The following TNFRSF1B variants were observed in gnomAD, a reference collection of about 807,000 sequenced individuals.
The protein encoded by TNFRSF1B is tumor necrosis factor receptor superfamily member 1B.
TNFRSF1B carries 19 observed loss-of-function variants against 44.6 expected under a neutral mutation model. The observed-to-expected ratio is 0.43, with a 90% CI of 0.30 to 0.62. The LOEUF (loss-of-function observed/expected upper bound fraction) is 0.62, where lower values mean the gene tolerates loss of function less well. Among genes scored for constraint, TNFRSF1B ranks in the 20% least tolerant of loss-of-function variants. The probability of loss-of-function intolerance (pLI) is 0.16; values close to 1 mark genes in which losing one functional copy is unlikely to be tolerated. For missense variants in TNFRSF1B, 541 were observed against 619.9 expected, an observed-to-expected ratio of 0.87 and a Z score of 1.35; for synonymous variants, 252 against 261.1, an observed-to-expected ratio of 0.97 and a Z score of 0.34.
At chr1:12,175,023 T>C (rs953173789) in intron 1 of TNFRSF1B, among the ~76,000 whole-genome samples, 1 of 152,182 alleles carries the variant, frequency 6.6e-6, no homozygotes, top group Non-Finnish European at 1.5e-5. Flanking sequence ...CTAGTGAGAC[T>C]GATGTGGCCA....
At chr1:12,194,090 C>A (rs1570162337) in intron 7 of TNFRSF1B, 58 bp downstream of exon 7, 1 of 1,420,466 alleles carries the variant, frequency 7.0e-7, no homozygotes, top group Non-Finnish European at 1.0e-6. Context: ...TGTGGGGTGC[C>A]TCCTGTGAGT....
Position 12,167,039 on chromosome 1 carries a change from T to A in TNFRSF1B, c.-53T>A. 7 of 1,208,872 alleles carry A rather than the reference T, an allele frequency of 5.8e-6. No homozygotes were observed. The highest frequency in any genetic ancestry group is 7.3e-6 in the Non-Finnish European group (7 of 954,536). 74.9% of individuals were successfully genotyped at this position (1,208,872 alleles called of 1,614,324 possible). A position where few individuals can be genotyped will look rare whatever the true frequency, so the allele number is the denominator to read the frequency against. On this transcript the variant is annotated 5_prime_UTR_variant, in exon 1 of 10. Transcript: ENST00000376259. ...GGAGCCTGGAGAGAAGGCGCTGGGCTGCGAGGGCGCGAGGGCGCGAGGGCA... is the reference window on the plus strand; with the variant it reads ...GGAGCCTGGAGAGAAGGCGCTGGGCAGCGAGGGCGCGAGGGCGCGAGGGCA...
In TNFRSF1B at chr1:12,183,716, T is replaced by C. The variant is rs866876852; in HGVS notation, c.79-5080T>C. Among the ~76,000 whole-genome samples the C allele has an allele frequency of 4.0e-3, 427 of 106,224 alleles. 7 individuals are homozygous for C. Among genetic ancestry groups the C allele is most frequent in the African/African-American group, 8.5e-3 (252 of 29,654 alleles). 69.7% of individuals were successfully genotyped at this position (106,224 alleles called of 152,430 possible). A position where few individuals can be genotyped will look rare whatever the true frequency, so the allele number is the denominator to read the frequency against. On this transcript the variant is annotated intron_variant, in intron 1 of 9. Coordinates refer to ENST00000376259, the MANE Select transcript of TNFRSF1B (RefSeq NM_001066.3). ...TCTATCTATCTATCTATCTATTCTA[T>C]CTACCTATCTATCTATCTATCTATC...
Position 12,199,998 on chromosome 1 carries a change from C to T in TNFRSF1B, c.901-1969C>T, listed in dbSNP as rs1017026769. On this transcript the variant is annotated intron_variant, in intron 8 of 9. Transcript: ENST00000376259. This position sits in a 1 kb window ranked among gnomAD's most constrained non-coding sequence, Gnocchi z 4.0. ...AGCCTGGGAGAGGAATTTCCAGCCT[C>T]TCTTCAGTGTGCGTGTCTGGAAATG... is the stretch of plus-strand genomic sequence containing the variant. 2.0e-5 allele frequency among the ~76,000 whole-genome samples: 3 copies of T among 152,134 alleles called. No homozygotes were observed. The highest frequency in any genetic ancestry group is 2.0e-4 in the Admixed American group (3 of 15,256).
At position 12,194,043 on chromosome 1, in the gene TNFRSF1B, ATCCT is replaced by A. The variant is rs763557181; in HGVS notation, c.865+22_865+25del. 3.0e-5 allele frequency: 49 copies of A among 1,612,068 alleles called. 2 individuals carry two copies. The highest frequency in any genetic ancestry group is 2.5e-4 in the South Asian group (23 of 91,032). On this transcript the variant is annotated intron_variant, in intron 7 of 9. Coordinates refer to ENST00000376259, the MANE Select transcript of TNFRSF1B (RefSeq NM_001066.3). ...TGACCCAGGTGAAAAGTAAGAGTCC[ATCCT>A]TCCTTCCTTCATCCACTTGTTCAGG...
At chr1:12,167,307 C>G (rs1570114626) in intron 1 of TNFRSF1B, 138 bp downstream of exon 1, 1 of 609,588 alleles carries the variant, frequency 1.6e-6, no homozygotes, top group East Asian at 3.7e-5. Context: ...GTCGCCGCCC[C>G]CCATCCGCAT....
In TNFRSF1B at chr1:12,191,846, C is replaced by T. The variant is rs375442414; in HGVS notation, c.380C>T (p.Ala127Val). 5 of 1,612,730 alleles carry T rather than the reference C, an allele frequency of 3.1e-6. No individual in the cohort carries two copies. The African/African-American group carries it at 4.0e-5, about 13-fold the overall frequency. Residue 127 changes from alanine (A) to valine (V), a missense_variant, in exon 4 of 10, where the codon GCG becomes GTG. Coordinates refer to ENST00000376259, the MANE Select transcript of TNFRSF1B (RefSeq NM_001066.3). Reference protein sequence around the residue: ...ICTCRPGWYCALSKQEGCRLC... With the variant: ...ICTCRPGWYCVLSKQEGCRLC... ...ACCTGCAGGCCCGGCTGGTACTGCG[C>T]GCTGAGCAAGCAGGAGGGGTGCCGG...
intron 8 of TNFRSF1B, 82 bp downstream of exon 8, chr1:12,194,700 T>C: frequency 6.5e-7 from 1 of 1,537,280 alleles, no homozygotes. Flanking sequence ...AAGCAGTGAA[T>C]TCTGTCATTG....
intron 1 of TNFRSF1B, among the ~76,000 whole-genome samples, chr1:12,183,781 TCTAC>T (rs1388086505): frequency 2.9e-4 from 38 of 129,896 alleles, no homozygotes; most frequent in African/African-American, 9.0e-4. Context: ...ATCTATTCTA[TCTAC>T]CTACCTATCT....
At chr1:12,204,814 C>CCAA (rs1460805196) in intron 9 of TNFRSF1B, among the ~76,000 whole-genome samples, 37 of 150,128 alleles carry the variant, frequency 2.5e-4, no homozygotes, top group African/African-American at 8.3e-4. Context: ...ACCACCACCA[C>CCAA]CAACAAAAAA....
intron 1 of TNFRSF1B, among the ~76,000 whole-genome samples, chr1:12,181,680 A>G (rs1179731802): frequency 1.3e-5 from 2 of 152,142 alleles, no homozygotes; most frequent in Non-Finnish European, 2.9e-5. Flanking sequence ...CTTTCCTCTC[A>G]GAAGTCGCCT....
intron 4 of TNFRSF1B, 153 bp from the exon 5 acceptor site, chr1:12,192,276 CTG>C (rs4044500): frequency 0.13 from 81,790 of 645,128 alleles, 76 homozygotes; most frequent in Middle Eastern, 0.14. Context: ...GTACAGGCAT[CTG>C]TGTGTGTGTG....
At position 12,206,963 on chromosome 1, in the gene TNFRSF1B, C is replaced by T; in HGVS notation, c.1329C>T (p.Ser443=). Residue 443 remains serine (S), a synonymous_variant, in exon 10 of 10, where the codon AGC becomes AGT. Coordinates refer to ENST00000376259, the MANE Select transcript of TNFRSF1B (RefSeq NM_001066.3). ...QLETPETLLG[S]TEEKPLPLGV... is the part of the protein sequence containing the mutation. Reference sequence around the variant, plus strand: ...AGACGCCAGAGACCCTGCTGGGGAGCACCGAAGAGAAGCCCCTGCCCCTTG... The same window carrying T: ...AGACGCCAGAGACCCTGCTGGGGAGTACCGAAGAGAAGCCCCTGCCCCTTG... 2 of 1,611,472 alleles carry T rather than the reference C, an allele frequency of 1.2e-6. No homozygotes were observed. The highest frequency in any genetic ancestry group is 1.7e-6 in the Non-Finnish European group (2 of 1,177,920).
intron 1 of TNFRSF1B, among the ~76,000 whole-genome samples, chr1:12,176,225 G>GCAAAA (rs1403150248): frequency 6.6e-6 from 1 of 151,848 alleles, no homozygotes. Context: ...TCTCAAAAAA[G>GCAAAA]CAAAACAAAA....
rs778723682 is a variant in TNFRSF1B at position 12,206,839 on chromosome 1, G to A, written c.1205G>A (p.Ser402Asn). Reference protein sequence around the residue: ...DHSSQCSSQASSTMGDTDSSP... With the variant: ...DHSSQCSSQANSTMGDTDSSP... Reference sequence around the variant, plus strand: ...AGCTCACAGTGCTCCTCCCAAGCCAGCTCCACAATGGGAGACACAGATTCC... The same window carrying A: ...AGCTCACAGTGCTCCTCCCAAGCCAACTCCACAATGGGAGACACAGATTCC... Residue 402 changes from serine to asparagine, a missense_variant, in exon 10 of 10, where the codon AGC becomes AAC. Transcript: ENST00000376259. The A allele has an allele frequency of 1.5e-5, 25 of 1,614,118 alleles. No individual in the cohort carries two copies. Among genetic ancestry groups the A allele is most frequent in the Non-Finnish European group, 1.8e-5 (21 of 1,180,034 alleles).
chr1:12,183,698 A>AGC (rs1557628868), intron 1 of TNFRSF1B, among the ~76,000 whole-genome samples: 14 of 105,760 alleles, frequency 1.3e-4, no homozygotes, highest in African/African-American at 3.3e-4. Flanking sequence ...CTATCTATCT[A>AGC]TCTATCTATC....
chr1:12,201,270 A>G lies in TNFRSF1B; in HGVS notation c.901-697A>G, dbSNP rs1639385640. Among the ~76,000 whole-genome samples the G allele has an allele frequency of 2.0e-5, 3 of 151,842 alleles. No homozygotes were observed. In the South Asian group the frequency reaches 6.2e-4, roughly 32 times the overall value. ...GGTGAGACCCTGTCTCAAAAAAAAA[A>G]AAAAAAAAAAAAAGTGAAAACCATT... On this transcript the variant is annotated intron_variant, in intron 8 of 9. Coordinates refer to ENST00000376259, the MANE Select transcript of TNFRSF1B (RefSeq NM_001066.3).
At chr1:12,179,288 G>A (rs919707099) in intron 1 of TNFRSF1B, among the ~76,000 whole-genome samples, 1 of 152,128 alleles carries the variant, frequency 6.6e-6, no homozygotes, top group Admixed American at 6.5e-5. Flanking sequence ...ATTCCTCTCC[G>A]TGACGGCAGA....
At chr1:12,202,758 C>A (rs1049606519) in intron 9 of TNFRSF1B, among the ~76,000 whole-genome samples, 5 of 152,290 alleles carry the variant, frequency 3.3e-5, no homozygotes, top group African/African-American at 1.2e-4. Context: ...TGTTGTTATC[C>A]CATTTTACAG....
Sources: allele counts gnomAD v4.1 joint callset (sites outside exome capture counted in the v4.1 genomes callset), GRCh38; gene constraint gnomAD v4.1.1; non-coding constraint Gnocchi (gnomAD v3.1); transcripts MANE v1.5; gene names NCBI Gene and HGNC (gene_info 2026-07-23, HGNC 2026-07-21).